PLEKHG3: variants seen among roughly 807,000 people sequenced by gnomAD.
PLEKHG3 encodes the protein pleckstrin homology domain-containing family G member 3.
Under a neutral mutation model 94.9 loss-of-function variants are expected in PLEKHG3, and 62 were observed. That is an observed-to-expected ratio of 0.65 (90% CI 0.53 to 0.81). The LOEUF (loss-of-function observed/expected upper bound fraction) is 0.81, where lower values mean the gene tolerates loss of function less well. PLEKHG3 is among the 30% of genes least tolerant of loss of function. PLEKHG3 has a pLI of 0.00. For synonymous variants in PLEKHG3, 614 were observed against 654.0 expected (o/e 0.94, Z 0.93); for missense variants, 1,461 against 1,619.3 (o/e 0.90, Z 1.68).
At chr14:64,735,946 G>T (rs1422022282) in intron 12 of PLEKHG3, among the ~76,000 whole-genome samples, 2 of 152,176 alleles carry the variant, frequency 1.3e-5, no homozygotes, top group Non-Finnish European at 2.9e-5. Context: ...AAACAATTAG[G>T]CATTTACTTA....
rs2081166673 is a variant in PLEKHG3, at chr14:64,716,552, A to ACAC, written c.-39-11041_-39-11040insCAC. Reference sequence around the variant, plus strand: ...ACACACACACACACACACACACACAAAGCAGAGTTAATCTCCCACTTCTTC... The same window carrying ACAC: ...ACACACACACACACACACACACACAACACAGCAGAGTTAATCTCCCACTTCTTC... On this transcript the variant is annotated intron_variant, in intron 1 of 16. Transcript: ENST00000247226. The surrounding 1 kb of genome is among the most constrained non-coding windows in gnomAD (Gnocchi z 5.0). 4.7e-4 allele frequency among the ~76,000 whole-genome samples: 35 copies of ACAC among 74,710 alleles called. No homozygotes were observed. The highest frequency in any genetic ancestry group is 3.1e-3 in the Admixed American group (24 of 7,840). The allele number at this position is 74,710 out of a possible 152,430, so 49.0% of individuals were successfully genotyped here.
Position 64,741,818 on chromosome 14 carries a change from A to G in PLEKHG3, c.2301A>G (p.Pro767=). The G allele has an allele frequency of 6.2e-7, 1 of 1,613,634 alleles. No homozygotes were observed. The highest frequency in any genetic ancestry group is 1.7e-5 in the Admixed American group (1 of 60,028). Residue 767 remains proline, a synonymous_variant, in exon 16 of 17, where the codon CCA becomes CCG. Transcript: ENST00000247226. ...GCCTTCCCCGGCCAGACCCAGAGCC[A>G]GTACCTCCAGTGGGGAGCAAGAGAC... ...FNSLPRPDPE[P]VPPVGSKRQV...
rs370130214 is a variant in PLEKHG3 at position 64,709,380 on chromosome 14, C to T, written c.-40+4676C>T. 5.9e-5 allele frequency among the ~76,000 whole-genome samples: 9 copies of T among 152,286 alleles called. 1 individual carries two copies. The highest frequency in any genetic ancestry group is 5.2e-4 in the Admixed American group (8 of 15,302). On this transcript the variant is annotated intron_variant, in intron 1 of 16. Transcript: ENST00000247226. Reference sequence around the variant, plus strand: ...GCACTAGGGAGAAGAGGGCTTTATACAGTTCTGGCGGCTGGCCTTTGGGGA... The same window carrying T: ...GCACTAGGGAGAAGAGGGCTTTATATAGTTCTGGCGGCTGGCCTTTGGGGA...
rs114195674 is a variant in PLEKHG3, at chr14:64,735,320, C to T, written c.1346-1533C>T. 3.9e-3 allele frequency among the ~76,000 whole-genome samples: 593 copies of T among 152,278 alleles called. 5 individuals are homozygous for T. Among genetic ancestry groups the T allele is most frequent in the African/African-American group, 0.013 (537 of 41,544 alleles). On this transcript the variant is annotated intron_variant, in intron 12 of 16. Transcript: ENST00000247226. ...TCTTCCCCTCCTGTCTGTTAGAAAG[C>T]GATCGTTCAGGCCAGGTGTGGTGGC...
At chr14:64,705,531 G>T (rs988289921) in intron 1 of PLEKHG3, among the ~76,000 whole-genome samples, 3 of 152,148 alleles carry the variant, frequency 2.0e-5, no homozygotes, top group African/African-American at 4.8e-5. Flanking sequence ...ATATGTAGGT[G>T]CCTGTCCCCT....
In PLEKHG3 at chr14:64,717,112, C is replaced by CGTGTGT. The variant is rs3063751; in HGVS notation, c.-39-10449_-39-10444dup. Among the ~76,000 whole-genome samples the CGTGTGT allele has an allele frequency of 0.072, 10,373 of 144,268 alleles. 415 individuals are homozygous for CGTGTGT. Among genetic ancestry groups the CGTGTGT allele is most frequent in the Middle Eastern group, 0.094 (26 of 278 alleles). 94.6% of individuals were successfully genotyped at this position (144,268 alleles called of 152,430 possible). ...GGCTGGCCGCCTTTGGGAATTTACA[C>CGTGTGT]GTGTGTGTGTGTGTGTGTGTGTGTG... On this transcript the variant is annotated intron_variant, in intron 1 of 16. Coordinates refer to ENST00000247226, the MANE Select transcript of PLEKHG3 (RefSeq NM_001308147.2). This position sits in a 1 kb window ranked among gnomAD's most constrained non-coding sequence, Gnocchi z 4.7.
At position 64,731,441 on chromosome 14, in the gene PLEKHG3, C is replaced by A; in HGVS notation, c.930C>A (p.Arg310=). ...AGCTTGTCCTGGAGGGCACATTCCG[C>A]GTGCATCGCGTGCGCAATGAAAGGA... ...YGELVLEGTF[R]VHRVRNERTF... Residue 310 remains arginine (R), a synonymous_variant, in exon 8 of 17, where the codon CGC becomes CGA. Transcript: ENST00000247226. The surrounding 1 kb of genome is among the most constrained non-coding windows in gnomAD (Gnocchi z 6.1). The A allele has an allele frequency of 6.2e-7, 1 of 1,613,862 alleles. No homozygotes were observed. Among genetic ancestry groups the A allele is most frequent in the South Asian group, 1.1e-5 (1 of 91,078 alleles).
At position 64,739,438 on chromosome 14, in the gene PLEKHG3, C is replaced by G. The variant is rs1348750222; in HGVS notation, c.1518+583C>G. Reference sequence around the variant, plus strand: ...ACTCTCCTCCTCCTGCTGCCCTATGCTGTCTGTGGGTTGTAGGAAGCAGCA... The same window carrying G: ...ACTCTCCTCCTCCTGCTGCCCTATGGTGTCTGTGGGTTGTAGGAAGCAGCA... On this transcript the variant is annotated intron_variant, in intron 15 of 16. Coordinates refer to ENST00000247226, the MANE Select transcript of PLEKHG3 (RefSeq NM_001308147.2). The surrounding 1 kb of genome is among the most constrained non-coding windows in gnomAD (Gnocchi z 4.1). Among the ~76,000 whole-genome samples the G allele has an allele frequency of 1.3e-5, 2 of 152,226 alleles. No homozygotes were observed. Among genetic ancestry groups the G allele is most frequent in the African/African-American group, 4.8e-5 (2 of 41,452 alleles).
In PLEKHG3 at chr14:64,726,151, C is replaced by T. The variant is rs1424109947; in HGVS notation, c.-39-1442C>T. Among the ~76,000 whole-genome samples, 2 of 151,916 alleles carry T rather than the reference C, an allele frequency of 1.3e-5. No homozygotes were observed. The highest frequency in any genetic ancestry group is 2.4e-5 in the African/African-American group (1 of 41,336). ...TGGTACTGTATGGGGTGGATGGGGA[C>T]GAGATAACGCCAAGGCAGAGAGAAC... On this transcript the variant is annotated intron_variant, in intron 1 of 16. Transcript: ENST00000247226. This position sits in a 1 kb window ranked among gnomAD's most constrained non-coding sequence, Gnocchi z 5.1.
Position 64,716,479 on chromosome 14 carries a change from ACAACACACACACACACAACACAC to A in PLEKHG3, c.-39-11113_-39-11091del, listed in dbSNP as rs2081156476. ...ACACACACACACAACACACACACAC[ACAACACACACACACACAACACAC>A]ACACACACACACACACACACACACA... On this transcript the variant is annotated intron_variant, in intron 1 of 16. Coordinates refer to ENST00000247226, the MANE Select transcript of PLEKHG3 (RefSeq NM_001308147.2). The surrounding 1 kb of genome is among the most constrained non-coding windows in gnomAD (Gnocchi z 5.0). Among the ~76,000 whole-genome samples the A allele has an allele frequency of 2.2e-5, 3 of 135,478 alleles. No homozygotes were observed. Among genetic ancestry groups the A allele is most frequent in the African/African-American group, 8.9e-5 (3 of 33,794 alleles). 88.9% of individuals were successfully genotyped at this position (135,478 alleles called of 152,430 possible). A position where few individuals can be genotyped will look rare whatever the true frequency, so the allele number is the denominator to read the frequency against.
In PLEKHG3 at chr14:64,746,907, A is replaced by C. The variant is rs540654572; in HGVS notation, c.*3204A>C. 1 of 151,620 alleles carries C rather than the reference A, an allele frequency of 6.6e-6. No individual in the cohort carries two copies. Among genetic ancestry groups the C allele is most frequent in the Non-Finnish European group, 1.5e-5 (1 of 67,858 alleles). 9.4% of individuals were successfully genotyped at this position (151,620 alleles called of 1,614,324 possible). A position where few individuals can be genotyped will look rare whatever the true frequency, so the allele number is the denominator to read the frequency against. On this transcript the variant is annotated 3_prime_UTR_variant, in exon 17 of 17. Coordinates refer to ENST00000247226, the MANE Select transcript of PLEKHG3 (RefSeq NM_001308147.2). The surrounding 1 kb of genome is among the most constrained non-coding windows in gnomAD (Gnocchi z 4.9). ...AATAAGGAGAGAAAAAAAAAAAAAG[A>C]CCTTGCTAGGGCACTGGGAGAGCTT...
Position 64,741,647 on chromosome 14 carries a change from C to T in PLEKHG3, c.2130C>T (p.Ser710=), listed in dbSNP as rs2081696857. The T allele has an allele frequency of 1.9e-6, 3 of 1,612,854 alleles. No individual in the cohort carries two copies. The highest frequency in any genetic ancestry group is 2.2e-5 in the East Asian group (1 of 44,896). The change falls in exon 16 of 17, where the codon TCC becomes TCT. Residue 710 remains serine (S), a synonymous_variant. Coordinates refer to ENST00000247226, the MANE Select transcript of PLEKHG3 (RefSeq NM_001308147.2). ...GCAAGAAGAAGGAATCAGCACTCTC[C>T]ACCCGAGACCGGCTGTTGCTAGACA... ...SSCKKKESAL[S]TRDRLLLDKI...
In PLEKHG3 at chr14:64,749,495, T is replaced by G; in HGVS notation, c.*5792T>G. 6.3e-7 allele frequency: 1 copy of G among 1,598,098 alleles called. No individual in the cohort carries two copies. Among genetic ancestry groups the G allele is most frequent in the Non-Finnish European group, 8.5e-7 (1 of 1,177,768 alleles). On this transcript the variant is annotated 3_prime_UTR_variant, in exon 17 of 17. Coordinates refer to ENST00000247226, the MANE Select transcript of PLEKHG3 (RefSeq NM_001308147.2). The surrounding 1 kb of genome is among the most constrained non-coding windows in gnomAD (Gnocchi z 4.7). ...CCTCCTGCGGGGCGGAGGGTCACGG[T>G]GGAGTCTGGAGGCCCACAGCCCCCC... is the stretch of plus-strand genomic sequence containing the variant.
rs2081249401 is a variant in PLEKHG3, at chr14:64,720,782, G to A, written c.-39-6811G>A. On this transcript the variant is annotated intron_variant, in intron 1 of 16. Transcript: ENST00000247226. This position sits in a 1 kb window ranked among gnomAD's most constrained non-coding sequence, Gnocchi z 4.1. ...AGTCAGACTGGGTTTGCATGGCTGG[G>A]TTCCTTCTGCAGGATCCAGGGCAGA... Among the ~76,000 whole-genome samples the A allele has an allele frequency of 2.0e-5, 3 of 152,206 alleles. No individual in the cohort carries two copies. The highest frequency in any genetic ancestry group is 1.3e-4 in the Admixed American group (2 of 15,290).
At position 64,716,469 on chromosome 14, in the gene PLEKHG3, A is replaced by AC. The variant is rs1566693933; in HGVS notation, c.-39-11123dup. Among the ~76,000 whole-genome samples the AC allele has an allele frequency of 4.0e-5, 5 of 125,020 alleles. No individual in the cohort carries two copies. Among genetic ancestry groups the AC allele is most frequent in the African/African-American group, 7.2e-5 (2 of 27,952 alleles). 82.0% of individuals were successfully genotyped at this position (125,020 alleles called of 152,430 possible). Reference sequence around the variant, plus strand: ...ACACACACACACACACACACACAACACACACACACACAACACACACACACA... The same window carrying AC: ...ACACACACACACACACACACACAACACCACACACACACAACACACACACACA... On this transcript the variant is annotated intron_variant, in intron 1 of 16. Transcript: ENST00000247226. The surrounding 1 kb of genome is among the most constrained non-coding windows in gnomAD (Gnocchi z 5.0).
In PLEKHG3 at chr14:64,731,948, T is replaced by A. The variant is rs986743626; in HGVS notation, c.1125+142T>A. 7 of 841,634 alleles carry A rather than the reference T, an allele frequency of 8.3e-6. No homozygotes were observed. Among genetic ancestry groups the A allele is most frequent in the Non-Finnish European group, 1.4e-5 (7 of 503,806 alleles). 52.1% of individuals were successfully genotyped at this position (841,634 alleles called of 1,614,324 possible). A position where few individuals can be genotyped will look rare whatever the true frequency, so the allele number is the denominator to read the frequency against. ...AGGCAAGGATCATTGCAGGCACCTC[T>A]CAGGGTCAAAGTGAGGAGTCAGGTT... On this transcript the variant is annotated intron_variant, in intron 9 of 16. Transcript: ENST00000247226. This position sits in a 1 kb window ranked among gnomAD's most constrained non-coding sequence, Gnocchi z 6.1.
intron 16 of PLEKHG3, 56 bp from the exon 17 acceptor site, chr14:64,742,926 C>A: frequency 6.3e-7 from 1 of 1,591,976 alleles, no homozygotes; most frequent in South Asian, 1.1e-5. Flanking sequence ...CAGAGCACCC[C>A]CTTGCAGCTC....
Position 64,742,096 on chromosome 14 carries a change from A to C in PLEKHG3, c.2579A>C (p.Glu860Ala). The C allele has an allele frequency of 6.2e-7, 1 of 1,610,422 alleles. No homozygotes were observed. Residue 860 changes from glutamate (E) to alanine (A), a missense_variant, in exon 16 of 17, where the codon GAG (glutamate) becomes GCG (alanine). Transcript: ENST00000247226. ...CATGAGCTGGGAGCCATCACAGAGG[A>C]GTCGGCCACTGCCTCCCCGGAAAGC... Reference protein sequence around the residue: ...EEHELGAITEESATASPESSS... With the variant: ...EEHELGAITEASATASPESSS...
At position 64,718,551 on chromosome 14, in the gene PLEKHG3, A is replaced by G. The variant is rs2081209109; in HGVS notation, c.-39-9042A>G. 6.6e-6 allele frequency among the ~76,000 whole-genome samples: 1 copy of G among 152,194 alleles called. No homozygotes were observed. Among genetic ancestry groups the G allele is most frequent in the Admixed American group, 6.5e-5 (1 of 15,282 alleles). The stretch of plus-strand genomic sequence containing the variant: ...ACAGTAGGTGCTTGGTAAACAGCTT[A>G]GGTTGGAAGATTACTAGGGTTATCT... On this transcript the variant is annotated intron_variant, in intron 1 of 16. Transcript: ENST00000247226. The surrounding 1 kb of genome is among the most constrained non-coding windows in gnomAD (Gnocchi z 5.0).
Sources: allele counts gnomAD v4.1 joint callset (sites outside exome capture counted in the v4.1 genomes callset), GRCh38; gene constraint gnomAD v4.1.1; non-coding constraint Gnocchi (gnomAD v3.1); transcripts MANE v1.5; gene names NCBI Gene and HGNC (gene_info 2026-07-23, HGNC 2026-07-21).